Variants in SESTD1 observed in about 807,000 individuals in gnomAD.
The protein encoded by SESTD1 is SEC14 and spectrin domain containing 1.
A neutral mutation model predicts 101.7 loss-of-function variants in SESTD1; 43 were observed. The observed-to-expected ratio is 0.42, with a 90% CI of 0.33 to 0.55. The LOEUF (loss-of-function observed/expected upper bound fraction) is 0.55. Among genes scored for constraint, SESTD1 ranks in the 20% least tolerant of loss-of-function variants. SESTD1 has a pLI of 0.07. For missense variants in SESTD1, 647 were observed against 815.1 expected (o/e 0.79, Z 2.51); for synonymous variants, 283 against 286.8 (o/e 0.99, Z 0.13).
rs1424028494 is a variant in SESTD1 at position 179,124,474 on chromosome 2, T to G, written c.1057A>C (p.Lys353Gln). ...TCACTAAGTTGTTGCTGCAGTGACTTTAGTTCCACAAGATCTTCCTCATCG... is the reference window on the plus strand; with the variant it reads ...TCACTAAGTTGTTGCTGCAGTGACTGTAGTTCCACAAGATCTTCCTCATCG... ...AGDEEDLVEL[K>Q]SLQQQLSDVC... The change falls in exon 11 of 18, where the codon AAG becomes CAG. Residue 353 changes from lysine (K) to glutamine (Q), a missense_variant. This residue lies in a region of SESTD1 where 476 missense variants were observed against 562.6 expected (regional missense o/e 0.85). Transcript: ENST00000428443. The G allele has an allele frequency of 6.2e-7, 1 of 1,614,126 alleles. No homozygotes were observed. The highest frequency in any genetic ancestry group is 1.7e-5 in the Admixed American group (1 of 60,018).
chr2:179,110,084 G>A, intron 17 of SESTD1, 56 bp from the exon 18 acceptor site: 1 of 1,575,464 alleles, frequency 6.3e-7, no homozygotes, highest in South Asian at 1.1e-5. Flanking sequence ...ATTAACTGCA[G>A]TGAATACAAA....
At chr2:179,185,740 ATATAG>A (rs1372956318) in intron 2 of SESTD1, among the ~76,000 whole-genome samples, 1 of 113,544 alleles carries the variant, frequency 8.8e-6, no homozygotes, top group Non-Finnish European at 1.7e-5. Flanking sequence ...ATATAATATA[ATATAG>A]TATATTATAT....
chr2:179,117,714 C>A, intron 13 of SESTD1, 101 bp from the exon 14 acceptor site: 1 of 906,366 alleles, frequency 1.1e-6, no homozygotes, highest in Non-Finnish European at 1.6e-6. Flanking sequence ...CACTAAAATA[C>A]TTAGTCCTAA....
intron 11 of SESTD1, 134 bp from the exon 12 acceptor site, chr2:179,123,963 C>T (rs753479139): frequency 8.1e-5 from 51 of 632,740 alleles, no homozygotes; most frequent in Non-Finnish European, 1.3e-4. Flanking sequence ...AAGACAAGGA[C>T]GAATCATTAG....
chr2:179,247,891 TG>T (rs1232421910), intron 1 of SESTD1, among the ~76,000 whole-genome samples: 2 of 151,754 alleles, frequency 1.3e-5, no homozygotes, highest in Non-Finnish European at 2.9e-5. Context: ...TTGAACTGAA[TG>T]AAAAATGAAA....
chr2:179,137,808 T>A (rs957447717), intron 9 of SESTD1, among the ~76,000 whole-genome samples: 3 of 152,316 alleles, frequency 2.0e-5, no homozygotes, highest in Non-Finnish European at 4.4e-5. Context: ...CAAAAGAAGT[T>A]TGAAACAATT....
At chr2:179,234,945 T>C (rs1464928585) in intron 1 of SESTD1, among the ~76,000 whole-genome samples, 4 of 130,418 alleles carry the variant, frequency 3.1e-5, no homozygotes, top group African/African-American at 5.6e-5. Flanking sequence ...CTCATCTCTT[T>C]AAAAAAAAAA....
At position 179,112,806 on chromosome 2, in the gene SESTD1, C is replaced by T; in HGVS notation, c.1879G>A (p.Asp627Asn). ...DCPEEPEAIN[D>N]EEQFDEIEAV... ...TCAATTTCATCAAATTGCTCCTCATCATTAATAGCTTCAGGCTCTTCTGGA... is the reference window on the plus strand; with the variant it reads ...TCAATTTCATCAAATTGCTCCTCATTATTAATAGCTTCAGGCTCTTCTGGA... Residue 627 changes from aspartate (D) to asparagine (N), a missense_variant, in exon 17 of 18, where the codon GAT (aspartate) becomes AAT (asparagine). Around this residue, in one of 3 missense-constraint regions of SESTD1, gnomAD observed 476 missense variants for 562.6 expected, o/e 0.85. Transcript: ENST00000428443. The T allele has an allele frequency of 6.2e-7, 1 of 1,613,060 alleles. No individual in the cohort carries two copies. Among genetic ancestry groups the T allele is most frequent in the East Asian group, 2.2e-5 (1 of 44,862 alleles).
intron 1 of SESTD1, among the ~76,000 whole-genome samples, chr2:179,235,401 T>A: frequency 6.6e-6 from 1 of 152,200 alleles, no homozygotes; most frequent in East Asian, 1.9e-4. Context: ...CTTTGAATTA[T>A]CTTTGCAATT....
At chr2:179,160,259 TG>T (rs2045709566) in intron 5 of SESTD1, among the ~76,000 whole-genome samples, 1 of 152,200 alleles carries the variant, frequency 6.6e-6, no homozygotes, top group African/African-American at 2.4e-5. Context: ...TGAGATCACA[TG>T]TATTACGTAT....
At chr2:179,178,902 T>C (rs1559130494) in intron 3 of SESTD1, among the ~76,000 whole-genome samples, 1 of 152,200 alleles carries the variant, frequency 6.6e-6, no homozygotes, top group Non-Finnish European at 1.5e-5. Context: ...AATCTGTACA[T>C]TAAGACTAAG....
In SESTD1 at chr2:179,245,510, T is replaced by G. The variant is rs2047216439; in HGVS notation, c.-26+18989A>C. On this transcript the variant is annotated intron_variant, in intron 1 of 17. Transcript: ENST00000428443. ...TAGCCTGGGCGACAGAGTGAGACTC[T>G]GTCTCAAAAAAAAAAAAAAAAAAAA... Among the ~76,000 whole-genome samples, 3 of 116,522 alleles carry G rather than the reference T, an allele frequency of 2.6e-5. No individual in the cohort carries two copies. In the South Asian group the frequency reaches 9.2e-4, roughly 36 times the overall value. 76.4% of individuals were successfully genotyped at this position (116,522 alleles called of 152,430 possible). A position where few individuals can be genotyped will look rare whatever the true frequency, so the allele number is the denominator to read the frequency against.
intron 1 of SESTD1, among the ~76,000 whole-genome samples, chr2:179,259,618 A>G (rs2047452675): frequency 6.6e-6 from 1 of 152,134 alleles, no homozygotes; most frequent in East Asian, 1.9e-4. Context: ...TAAACATAGG[A>G]CAGAACAAAA....
chr2:179,136,306 C>G (rs1259521014), intron 9 of SESTD1, among the ~76,000 whole-genome samples: 2 of 152,150 alleles, frequency 1.3e-5, no homozygotes, highest in Non-Finnish European at 2.9e-5. Flanking sequence ...GCTTTTCTTA[C>G]TTTTTCTGTA....
intron 9 of SESTD1, among the ~76,000 whole-genome samples, chr2:179,140,655 C>CA (rs1307591478): frequency 6.6e-6 from 1 of 152,216 alleles, no homozygotes; most frequent in Non-Finnish European, 1.5e-5. Context: ...CCTTCAGAGA[C>CA]AGTTATCAAC....
At chr2:179,185,122 C>T (rs1267213421) in intron 2 of SESTD1, among the ~76,000 whole-genome samples, 1 of 151,778 alleles carries the variant, frequency 6.6e-6, no homozygotes, top group Non-Finnish European at 1.5e-5. Context: ...TTGAAACAAT[C>T]TTCTTGGAGG....
rs551364874 is a variant in SESTD1, at chr2:179,200,327, G to A, written c.-25-8461C>T. ...CTCATGGGTAGGAAGAATCAATATC[G>A]TGAAAATGGCCATACTGCCCAAGGT... On this transcript the variant is annotated intron_variant, in intron 1 of 17. Transcript: ENST00000428443. Among the ~76,000 whole-genome samples the A allele has an allele frequency of 2.4e-3, 365 of 152,116 alleles. 1 individual carries two copies. The highest frequency in any genetic ancestry group is 4.3e-3 in the Non-Finnish European group (292 of 67,992).
chr2:179,124,273 A>G, intron 11 of SESTD1, 91 bp downstream of exon 11: 1 of 1,208,570 alleles, frequency 8.3e-7, no homozygotes, highest in Non-Finnish European at 1.2e-6. Context: ...CAGAAAAATA[A>G]TTTAGGAGGC....
intron 1 of SESTD1, among the ~76,000 whole-genome samples, chr2:179,199,881 C>G (rs539362359): frequency 0.026 from 4,014 of 152,252 alleles, 82 homozygotes; most frequent in Non-Finnish European, 0.035. Context: ...GAGATGCCCT[C>G]TCTCACCACT....
Sources: allele counts gnomAD v4.1 joint callset (sites outside exome capture counted in the v4.1 genomes callset), GRCh38; gene constraint gnomAD v4.1.1; regional missense constraint gnomAD v4.1.1; transcripts MANE v1.5; gene names NCBI Gene and HGNC (gene_info 2026-07-23, HGNC 2026-07-21).